Variants in HSCB observed in about 807,000 individuals in gnomAD.
The protein encoded by HSCB is iron-sulfur cluster co-chaperone protein HscB.
A neutral mutation model predicts 31.3 loss-of-function variants in HSCB; 23 were observed. That is an observed-to-expected ratio of 0.74 (90% confidence interval 0.53 to 1.04). The LOEUF is 1.04. HSCB is among the 50% of genes least tolerant of loss of function. The probability of loss-of-function intolerance (pLI) is 0.00; values close to 1 mark genes in which losing one functional copy is unlikely to be tolerated. For synonymous variants in HSCB, 110 were observed against 104.5 expected (o/e 1.05, Z -0.32); for missense variants, 297 against 288.1 (o/e 1.03, Z -0.22).
intron 4 of HSCB, among the ~76,000 whole-genome samples, chr22:28,750,158 A>G (rs1432562714): frequency 5.5e-5 from 8 of 145,706 alleles, no homozygotes; most frequent in Non-Finnish European, 1.1e-4. Context: ...CTGAGGCAGG[A>G]GAATTGCTTG....
chr22:28,743,793 A>G, intron 1 of HSCB, 89 bp from the exon 2 acceptor site: 1 of 1,075,808 alleles, frequency 9.3e-7, no homozygotes, highest in Non-Finnish European at 1.4e-6. Context: ...ATGTTATTGC[A>G]TCTTCCCCAT....
Position 28,757,349 on chromosome 22 carries a change from G to A in HSCB, c.*180G>A, listed in dbSNP as rs916979815. ...AAAATACAAAAATTAGCCGGGCATG[G>A]TGGCGCGTGCCTGTAATCCCAGCTA... On this transcript the variant is annotated 3_prime_UTR_variant, in exon 6 of 6. Transcript: ENST00000216027. 9.1e-6 allele frequency: 4 copies of A among 441,478 alleles called. No individual in the cohort carries two copies. Among genetic ancestry groups the A allele is most frequent in the South Asian group, 4.3e-5 (2 of 46,580 alleles). 27.3% of individuals were successfully genotyped at this position (441,478 alleles called of 1,614,324 possible).
intron 5 of HSCB, among the ~76,000 whole-genome samples, chr22:28,755,694 TATAAC>T (rs2146227569): frequency 6.6e-6 from 1 of 152,346 alleles, no homozygotes; most frequent in South Asian, 2.1e-4. Flanking sequence ...TGCAAATGGT[TATAAC>T]ATATCTTCAT....
chr22:28,752,429 C>CAA (rs564221588), intron 5 of HSCB, among the ~76,000 whole-genome samples: 1,197 of 65,936 alleles, frequency 0.018, 25 homozygotes, highest in African/African-American at 0.061. Context: ...GACTTTGTCT[C>CAA]AAAAAAAAAA....
chr22:28,745,293 T>C (rs1379702914), intron 3 of HSCB: 1 of 151,120 alleles, frequency 6.6e-6, no homozygotes, highest in Admixed American at 6.6e-5. Context: ...CTCACGCCTG[T>C]AATCCCAGCA....
chr22:28,745,869 G>C lies in HSCB; in HGVS notation c.429G>C (p.Lys143Asn). The C allele has an allele frequency of 6.2e-7, 1 of 1,608,070 alleles. No homozygotes were observed. The highest frequency in any genetic ancestry group is 8.5e-7 in the Non-Finnish European group (1 of 1,178,018). The change falls in exon 4 of 6, where the codon AAG becomes AAC. Residue 143 changes from lysine to asparagine, a missense_variant. Transcript: ENST00000216027. ...APLSRGLYLLKLHGIEIPERT... is the reference protein window; with the variant it reads ...APLSRGLYLLNLHGIEIPERT... ...CTTGCTTTCTACCCCAATAGCTAAA[G>C]CTCCATGGAATAGAGATTCCTGAAA...
At chr22:28,749,206 A>C (rs1462426395) in intron 4 of HSCB, among the ~76,000 whole-genome samples, 1 of 151,288 alleles carries the variant, frequency 6.6e-6, no homozygotes, top group Non-Finnish European at 1.5e-5. Flanking sequence ...CATCCCTTAC[A>C]GGGCCCGGAT....
intron 4 of HSCB, 68 bp downstream of exon 4, chr22:28,746,076 A>G: frequency 6.7e-7 from 1 of 1,490,368 alleles, no homozygotes; most frequent in South Asian, 1.2e-5. Flanking sequence ...GATTAGTGAA[A>G]AATGAACGTA....
At chr22:28,747,892 C>T (rs1448231290) in intron 4 of HSCB, among the ~76,000 whole-genome samples, 1 of 148,618 alleles carries the variant, frequency 6.7e-6, no homozygotes, top group Non-Finnish European at 1.5e-5. Context: ...CCAAAAAAAT[C>T]TGTTCCTCTT....
intron 4 of HSCB, among the ~76,000 whole-genome samples, chr22:28,750,165 C>T (rs1214032597): frequency 7.2e-6 from 1 of 138,236 alleles, no homozygotes; most frequent in Non-Finnish European, 1.5e-5. Flanking sequence ...AGGAGAATTG[C>T]TTGAACTCAG....
intron 2 of HSCB, 137 bp downstream of exon 2, chr22:28,744,115 G>T (rs1440673090): frequency 1.4e-6 from 1 of 724,596 alleles, no homozygotes; most frequent in Non-Finnish European, 2.5e-6. Flanking sequence ...ACCCCAGCCT[G>T]TCAGACCCAG....
intron 1 of HSCB, among the ~76,000 whole-genome samples, chr22:28,743,223 A>T (rs974464455): frequency 6.6e-6 from 1 of 152,120 alleles, no homozygotes; most frequent in Non-Finnish European, 1.5e-5. Flanking sequence ...AGTAAACGGG[A>T]TTCTGGCTAA....
chr22:28,748,699 T>C (rs1455734348), intron 4 of HSCB, among the ~76,000 whole-genome samples: 1 of 151,914 alleles, frequency 6.6e-6, no homozygotes, highest in African/African-American at 2.4e-5. Context: ...TTTTTTTAAG[T>C]AGTGACGGGG....
chr22:28,746,706 C>A (rs2054698614), intron 4 of HSCB, among the ~76,000 whole-genome samples: 1 of 152,040 alleles, frequency 6.6e-6, no homozygotes, highest in Non-Finnish European at 1.5e-5. Context: ...TCGAGACCAG[C>A]CAGGCCAACA....
chr22:28,750,943 G>GTTTTTTTTTTTTTTTTTTT (rs1202821377), intron 4 of HSCB, among the ~76,000 whole-genome samples: 4 of 62,050 alleles, frequency 6.4e-5, no homozygotes, highest in East Asian at 1.1e-3. Flanking sequence ...GTATATCTTT[G>GTTTTTTTTTTTTTTTTTTT]TCTTTTTTTT....
Position 28,742,110 on chromosome 22 carries a change from A to G in HSCB, c.15A>G (p.Arg5=), listed in dbSNP as rs753435464. The G allele has an allele frequency of 3.1e-6, 5 of 1,588,176 alleles. No homozygotes were observed. Among genetic ancestry groups the G allele is most frequent in the East Asian group, 2.3e-5 (1 of 43,542 alleles). MWRG[R]AGALLRVWGF... ...CCGCCGGCCAGATGTGGCGGGGGAG[A>G]GCCGGGGCTTTGCTCCGGGTGTGGG... The change falls in exon 1 of 6, where the codon AGA becomes AGG. Residue 5 remains arginine (R), a synonymous_variant. Coordinates refer to ENST00000216027, the MANE Select transcript of HSCB (RefSeq NM_172002.5).
In HSCB at chr22:28,742,160, G is replaced by A; in HGVS notation, c.65G>A (p.Arg22Lys). The change falls in exon 1 of 6, where the codon AGA (arginine) becomes AAA (lysine). Residue 22 changes from arginine (R) to lysine (K), a missense_variant. Arg to Lys is a conservative substitution (Grantham distance 26). Transcript: ENST00000216027. ...GGGTTTTGGCCGACAGGGGTTCCCAGAAGGAGACCGCTAAGCTGCGATGCT... is the reference window on the plus strand; with the variant it reads ...GGGTTTTGGCCGACAGGGGTTCCCAAAAGGAGACCGCTAAGCTGCGATGCT... ...VWGFWPTGVPRRRPLSCDAAS... is the reference protein window; with the variant it reads ...VWGFWPTGVPKRRPLSCDAAS... 2 of 1,613,774 alleles carry A rather than the reference G, an allele frequency of 1.2e-6. No individual in the cohort carries two copies. Among genetic ancestry groups the A allele is most frequent in the Non-Finnish European group, 1.7e-6 (2 of 1,179,920 alleles).
rs182659107 is a variant in HSCB at position 28,742,513 on chromosome 22, C to T, written c.236+182C>T. 1.6e-5 allele frequency: 17 copies of T among 1,089,760 alleles called. No individual in the cohort carries two copies. In the East Asian group the frequency reaches 4.4e-4, roughly 29 times the overall value. The allele number at this position is 1,089,760 out of a possible 1,614,324, so 67.5% of individuals were successfully genotyped here. On this transcript the variant is annotated intron_variant, in intron 1 of 5. Coordinates refer to ENST00000216027, the MANE Select transcript of HSCB (RefSeq NM_172002.5). ...TCAGGAGGAAATTGAGAGGCGGGGA[C>T]TGAGGGAAGCAACGTTGAGGTGTGG...
intron 5 of HSCB, 138 bp from the exon 6 acceptor site, chr22:28,756,940 C>A (rs2146229933): frequency 1.4e-6 from 1 of 690,422 alleles, no homozygotes. Flanking sequence ...TCTCCCTCTT[C>A]GTTGCTCAGT....
Sources: gnomAD v4.1 joint callset for allele counts (sites outside exome capture counted in the v4.1 genomes callset) on GRCh38, gnomAD v4.1.1 for gene constraint, MANE v1.5 for transcripts, NCBI Gene and HGNC (gene_info 2026-07-23, HGNC 2026-07-21) for gene names.